Variants in TMEM178B observed in about 807,000 individuals in gnomAD.
The protein encoded by TMEM178B is transmembrane protein 178B.
In TMEM178B, 5 loss-of-function variants were observed where a neutral mutation model predicts 31.0. The ratio of observed to expected loss-of-function variants is 0.16; its 90% CI spans 0.08 to 0.34. The LOEUF is 0.34. Among genes scored for constraint, TMEM178B ranks in the 10% least tolerant of loss-of-function variants. TMEM178B has a pLI of 1.00. For synonymous variants in TMEM178B, 164 were observed against 164.0 expected, an observed-to-expected ratio of 1.00 and a Z score of 0.00; for missense variants, 275 against 400.3, an observed-to-expected ratio of 0.69 and a Z score of 2.67.
At chr7:141,421,241 G>C (rs1038597897) in intron 2 of TMEM178B, among the ~76,000 whole-genome samples, 14 of 152,142 alleles carry the variant, frequency 9.2e-5, no homozygotes, top group African/African-American at 3.4e-4. Flanking sequence ...AACAGAATTT[G>C]CTAGAATTTT....
Position 141,437,755 on chromosome 7 carries a change from C to T in TMEM178B, c.634+10C>T, listed in dbSNP as rs112399520. On this transcript the variant is annotated intron_variant, in intron 3 of 3. Coordinates refer to ENST00000565468, the MANE Select transcript of TMEM178B (RefSeq NM_001195278.2). ...CTCTTCCTCATGGGAGGTAAGGCTA[C>T]GGGCTCGGCTTGTGGGTGGCAGTGG... The T allele has an allele frequency of 1.2e-5, 19 of 1,535,758 alleles. No homozygotes were observed. Among genetic ancestry groups the T allele is most frequent in the South Asian group, 7.1e-5 (6 of 84,056 alleles).
intron 1 of TMEM178B, among the ~76,000 whole-genome samples, chr7:141,102,863 T>A (rs1434000551): frequency 6.6e-6 from 1 of 152,160 alleles, no homozygotes; most frequent in Non-Finnish European, 1.5e-5. Context: ...GCAGGCAGGG[T>A]AGCTGGTATG....
At chr7:141,393,988 C>G (rs1418095371) in intron 2 of TMEM178B, among the ~76,000 whole-genome samples, 1 of 151,738 alleles carries the variant, frequency 6.6e-6, no homozygotes, top group Non-Finnish European at 1.5e-5. Flanking sequence ...TTTTTACCTT[C>G]AAAAGACTGG....
chr7:141,337,770 T>A (rs1586900445), intron 2 of TMEM178B, among the ~76,000 whole-genome samples: 2 of 152,366 alleles, frequency 1.3e-5, no homozygotes, highest in South Asian at 4.1e-4. Flanking sequence ...TATAAAGCCT[T>A]TTAGTCCACT....
At chr7:141,305,666 C>T (rs1798804843) in intron 2 of TMEM178B, among the ~76,000 whole-genome samples, 1 of 152,048 alleles carries the variant, frequency 6.6e-6, no homozygotes, top group Non-Finnish European at 1.5e-5. Flanking sequence ...AACTCCTGAC[C>T]TCAAGTGATC....
At chr7:141,081,270 T>G (rs925104234) in intron 1 of TMEM178B, among the ~76,000 whole-genome samples, 2 of 151,964 alleles carry the variant, frequency 1.3e-5, no homozygotes, top group Non-Finnish European at 2.9e-5. Flanking sequence ...GTGTCTTAGT[T>G]TTTAACAAAA....
chr7:141,154,200 G>C (rs545073405), intron 1 of TMEM178B, among the ~76,000 whole-genome samples: 3 of 152,352 alleles, frequency 2.0e-5, no homozygotes, highest in Non-Finnish European at 2.9e-5. Flanking sequence ...AGATAAAGAG[G>C]AAAATTCTTT....
rs1394232826 is a variant in TMEM178B, at chr7:141,314,180, G to A, written c.496+101476G>A. Among the ~76,000 whole-genome samples the A allele has an allele frequency of 5.3e-5, 8 of 152,150 alleles. 1 individual carries two copies. The South Asian group carries it at 1.5e-3, about 28-fold the overall frequency. On this transcript the variant is annotated intron_variant, in intron 2 of 3. Transcript: ENST00000565468. ...TCTCATCTCTCTCCTTCTTGGGAAC[G>A]TTTAACCCCTGCCAACTGGAATCAG...
chr7:141,130,545 A>G (rs1326033624), intron 1 of TMEM178B, among the ~76,000 whole-genome samples: 1 of 152,242 alleles, frequency 6.6e-6, no homozygotes, highest in Non-Finnish European at 1.5e-5. Flanking sequence ...CTATTCCATT[A>G]TATGACTATA....
chr7:141,294,808 G>A (rs932318753), intron 2 of TMEM178B, among the ~76,000 whole-genome samples: 3 of 152,124 alleles, frequency 2.0e-5, no homozygotes, highest in Non-Finnish European at 4.4e-5. Context: ...CTCTCATATA[G>A]AATATAATAG....
chr7:141,397,012 T>C (rs1478051884), intron 2 of TMEM178B, among the ~76,000 whole-genome samples: 1 of 152,108 alleles, frequency 6.6e-6, no homozygotes, highest in Non-Finnish European at 1.5e-5. Flanking sequence ...CCCATGAGCA[T>C]TGTTGAGGAG....
At chr7:141,466,227 T>G (rs1328311429) in intron 3 of TMEM178B, among the ~76,000 whole-genome samples, 1 of 152,182 alleles carries the variant, frequency 6.6e-6, no homozygotes, top group East Asian at 1.9e-4. Context: ...TGACAAGAGC[T>G]AACAGAAGGA....
chr7:141,287,437 T>G (rs1798464769), intron 2 of TMEM178B, among the ~76,000 whole-genome samples: 1 of 152,224 alleles, frequency 6.6e-6, no homozygotes, highest in Non-Finnish European at 1.5e-5. Context: ...CTCAACCCTT[T>G]TTGGAATGAT....
At chr7:141,447,257 T>C (rs1336897226) in intron 3 of TMEM178B, among the ~76,000 whole-genome samples, 1 of 151,944 alleles carries the variant, frequency 6.6e-6, no homozygotes, top group Non-Finnish European at 1.5e-5. Context: ...GCATGGCTGT[T>C]GTTAGAGAGG....
chr7:141,394,265 T>G (rs1800597678), intron 2 of TMEM178B, among the ~76,000 whole-genome samples: 1 of 152,242 alleles, frequency 6.6e-6, no homozygotes, highest in Non-Finnish European at 1.5e-5. Context: ...CTGGTCTTGG[T>G]GCTTGTCTAC....
chr7:141,315,979 A>G lies in TMEM178B; in HGVS notation c.496+103275A>G, dbSNP rs368742277. 1.8e-4 allele frequency among the ~76,000 whole-genome samples: 27 copies of G among 152,326 alleles called. No individual in the cohort carries two copies. In the East Asian group the frequency reaches 3.7e-3, roughly 21 times the overall value. The stretch of plus-strand genomic sequence containing the variant: ...TTATGAGCTTGATTATGTATGATTG[A>G]CAGCTGAGGCCTCCTAATAGGATCC... On this transcript the variant is annotated intron_variant, in intron 2 of 3. Transcript: ENST00000565468.
intron 2 of TMEM178B, among the ~76,000 whole-genome samples, chr7:141,395,905 C>T (rs750048999): frequency 1.5e-4 from 23 of 152,060 alleles, no homozygotes; most frequent in Middle Eastern, 3.2e-3. Context: ...GATTATACAG[C>T]GTTGCTTCAT....
chr7:141,507,875 T>A, the TMEM178B span, among the ~76,000 whole-genome samples: 1 of 152,202 alleles, frequency 6.6e-6, no homozygotes. Flanking sequence ...ACGAAACCAT[T>A]TTTTGCTCCT....
At chr7:141,181,827 G>T (rs1796534593) in intron 1 of TMEM178B, among the ~76,000 whole-genome samples, 1 of 152,086 alleles carries the variant, frequency 6.6e-6, no homozygotes, top group Admixed American at 6.5e-5. Context: ...TCCTGTTCAG[G>T]ATCCGCAATC....
Sources: gnomAD v4.1 joint callset for allele counts (sites outside exome capture counted in the v4.1 genomes callset) on GRCh38, gnomAD v4.1.1 for gene constraint, MANE v1.5 for transcripts, NCBI Gene and HGNC (gene_info 2026-07-23, HGNC 2026-07-21) for gene names.